The following HSPA1L variants were observed in gnomAD, a reference collection of about 807,000 sequenced individuals.
The protein encoded by HSPA1L is heat shock protein family A (Hsp70) member 1 like.
Under a neutral mutation model 31.5 loss-of-function variants are expected in HSPA1L, and 21 were observed. The observed-to-expected ratio is 0.67, with a 90% CI of 0.47 to 0.96. The LOEUF (loss-of-function observed/expected upper bound fraction) is 0.96. HSPA1L is among the 40% of genes least tolerant of loss of function. The pLI is 0.00. For synonymous variants in HSPA1L, 293 were observed against 323.1 expected, an observed-to-expected ratio of 0.91 and a Z score of 1.00; for missense variants, 709 against 813.4, an observed-to-expected ratio of 0.87 and a Z score of 1.56.
rs1184253837 is a variant in HSPA1L, at chr6:31,810,212, T to G, written c.1761A>C (p.Gln587His). The G allele has an allele frequency of 1.3e-6, 2 of 1,526,318 alleles. No homozygotes were observed. Among genetic ancestry groups the G allele is most frequent in the African/African-American group, 2.8e-5 (2 of 71,922 alleles). 94.5% of individuals were successfully genotyped at this position (1,526,318 alleles called of 1,614,324 possible). A position where few individuals can be genotyped will look rare whatever the true frequency, so the allele number is the denominator to read the frequency against. ...GATCAAACTCATCTTTCTCTGCCAGTTGATTGACCTCCAGCCACGAAAGGA... is the reference window on the plus strand; with the variant it reads ...GATCAAACTCATCTTTCTCTGCCAGGTGATTGACCTCCAGCCACGAAAGGA... The part of the protein sequence containing the change: ...NELLSWLEVN[Q>H]LAEKDEFDHK... The change falls in exon 2 of 2, where the codon CAA becomes CAC. Residue 587 changes from glutamine (Q) to histidine (H), a missense_variant. Transcript: ENST00000375654.
chr6:31,810,953 C>G lies in HSPA1L; in HGVS notation c.1020G>C (p.Gly340=). The change falls in exon 2 of 2, where the codon GGG becomes GGC. Residue 340 remains glycine, a synonymous_variant. Transcript: ENST00000375654. Reference sequence around the variant, plus strand: ...GCACCTTGGGGATGCGGGTGGAGCCCCCTACTAAAACAATGTCATGGATTT... The same window carrying G: ...GCACCTTGGGGATGCGGGTGGAGCCGCCTACTAAAACAATGTCATGGATTT... ...KAKIHDIVLV[G]GSTRIPKVQR... 1 of 1,614,106 alleles carries G rather than the reference C, an allele frequency of 6.2e-7. No individual in the cohort carries two copies. Among genetic ancestry groups the G allele is most frequent in the Non-Finnish European group, 8.5e-7 (1 of 1,180,020 alleles).
chr6:31,813,449 C>T (rs1562345241), intron 1 of HSPA1L, among the ~76,000 whole-genome samples: 1 of 152,132 alleles, frequency 6.6e-6, no homozygotes, highest in African/African-American at 2.4e-5. Context: ...GGACTACAGG[C>T]GTGCACTGCC....
In HSPA1L at chr6:31,814,989, T is replaced by TCCCCCCA. The variant is rs982528576; in HGVS notation, c.-121_-115dup. 1.3e-3 allele frequency: 1,264 copies of TCCCCCCA among 953,628 alleles called. 9 individuals are homozygous for TCCCCCCA. In the African/African-American group the frequency reaches 0.017, roughly 13 times the overall value. 59.1% of individuals were successfully genotyped at this position (953,628 alleles called of 1,614,324 possible). ...TCAATATCAAACTGCACAACCGGGG[T>TCCCCCCA]CCCCCCACCCCCCACCCCGTCCCTC... On this transcript the variant is annotated 5_prime_UTR_variant, in exon 1 of 2. It introduces an in-frame stop codon into an upstream open reading frame of the 5' UTR. Transcript: ENST00000375654.
At position 31,811,922 on chromosome 6, in the gene HSPA1L, G is replaced by T. The variant is rs765307007; in HGVS notation, c.51C>A (p.Tyr17Ter). The change falls in exon 2 of 2, where the codon TAC becomes TAA. Residue 17 changes from tyrosine (Y) to a stop codon, truncating the protein, a stop_gained. Coordinates refer to ENST00000375654, the MANE Select transcript of HSPA1L (RefSeq NM_005527.4). LOFTEE classifies it high-confidence loss of function. ...CGTGCTGGAACACCCCCACACAGGA[G>T]TAGGTGGTGCCCAGGTCGATGCCTA... Reference protein sequence around the residue: ...IAIGIDLGTTYSCVGVFQHGK... With the variant: ...IAIGIDLGTT The T allele has an allele frequency of 6.2e-7, 1 of 1,614,242 alleles. No homozygotes were observed. Among genetic ancestry groups the T allele is most frequent in the Non-Finnish European group, 8.5e-7 (1 of 1,180,048 alleles).
At position 31,810,631 on chromosome 6, in the gene HSPA1L, C is replaced by T. The variant is rs770600264; in HGVS notation, c.1342G>A (p.Glu448Lys). The change falls in exon 2 of 2, where the codon GAG (glutamate) becomes AAG (lysine). Residue 448 changes from glutamate to lysine, a missense_variant. Transcript: ENST00000375654. ...PGVLIQVYEG[E>K]RAMTKDNNLL... ...TTGTTGTCCTTTGTCATGGCCCTCT[C>T]GCCCTCATACACCTGGATCAGCACC... The T allele has an allele frequency of 4.3e-6, 7 of 1,614,112 alleles. No homozygotes were observed. Among genetic ancestry groups the T allele is most frequent in the South Asian group, 3.3e-5 (3 of 91,084 alleles).
Position 31,811,390 on chromosome 6 carries a change from G to C in HSPA1L, c.583C>G (p.Arg195Gly). 6.2e-7 allele frequency: 1 copy of C among 1,614,140 alleles called. No homozygotes were observed. The highest frequency in any genetic ancestry group is 8.5e-7 in the Non-Finnish European group (1 of 1,180,038). ...YGLDKGGQGE[R>G]HVLIFDLGGG... ...CCCAGATCAAAAATCAGGACATGTC[G>C]TTCTCCTTGACCTCCTTTATCTAAA... Residue 195 changes from arginine (R) to glycine (G), a missense_variant, in exon 2 of 2, where the codon CGA becomes GGA. Coordinates refer to ENST00000375654, the MANE Select transcript of HSPA1L (RefSeq NM_005527.4).
At position 31,811,096 on chromosome 6, in the gene HSPA1L, T is replaced by C. The variant is rs1489375367; in HGVS notation, c.877A>G (p.Ile293Val). The C allele has an allele frequency of 1.9e-6, 3 of 1,614,118 alleles. No homozygotes were observed. The African/African-American group carries it at 4.0e-5, about 22-fold the overall frequency. Residue 293 changes from isoleucine (I) to valine (V), a missense_variant, in exon 2 of 2, where the codon ATT (isoleucine) becomes GTT (valine). Transcript: ENST00000375654. ...CTGGTGATGGATGTATAGAAGTCAA[T>C]GCCTTCATAAAGTGAATCAATTTCT... ...NLEIDSLYEG[I>V]DFYTSITRAR...
chr6:31,811,585 T>G lies in HSPA1L; in HGVS notation c.388A>C (p.Lys130Gln). ...EISSMVLTKL[K>Q]ETAEAFLGHP... Reference sequence around the variant, plus strand: ...CCCAAAAAGGCCTCAGCAGTCTCCTTCAACTTAGTCAATACCATCGAAGAG... The same window carrying G: ...CCCAAAAAGGCCTCAGCAGTCTCCTGCAACTTAGTCAATACCATCGAAGAG... Residue 130 changes from lysine to glutamine, a missense_variant, in exon 2 of 2, where the codon AAG becomes CAG. By Grantham distance (53) the Lys-to-Gln change is moderately conservative (BLOSUM62 1). Transcript: ENST00000375654. 2 of 1,614,180 alleles carry G rather than the reference T, an allele frequency of 1.2e-6. No homozygotes were observed. The highest frequency in any genetic ancestry group is 1.7e-6 in the Non-Finnish European group (2 of 1,180,018).
At position 31,811,951 on chromosome 6, in the gene HSPA1L, C is replaced by G. The variant is rs9469057; in HGVS notation, c.22G>C (p.Ala8Pro). 8,722 of 1,614,128 alleles carry G rather than the reference C, an allele frequency of 5.4e-3. 58 individuals carry two copies. Among genetic ancestry groups the G allele is most frequent in the African/African-American group, 0.02 (1,474 of 75,014 alleles). Reference sequence around the variant, plus strand: ...GTGGTGCCCAGGTCGATGCCTATGGCGATTCCCTTGGCAGTAGCCATGGTT... The same window carrying G: ...GTGGTGCCCAGGTCGATGCCTATGGGGATTCCCTTGGCAGTAGCCATGGTT... MATAKGI[A>P]IGIDLGTTYS... The change falls in exon 2 of 2, where the codon GCC becomes CCC. Residue 8 changes from alanine (A) to proline (P), a missense_variant. Coordinates refer to ENST00000375654, the MANE Select transcript of HSPA1L (RefSeq NM_005527.4).
At position 31,811,117 on chromosome 6, in the gene HSPA1L, T is replaced by C. The variant is rs1250671657; in HGVS notation, c.856A>G (p.Ile286Val). The change falls in exon 2 of 2, where the codon ATT becomes GTT. Residue 286 changes from isoleucine (I) to valine (V), a missense_variant. Physicochemically the swap from Ile to Val is conservative, Grantham distance 29. Transcript: ENST00000375654. The stretch of plus-strand genomic sequence containing the variant: ...TCAATGCCTTCATAAAGTGAATCAA[T>C]TTCTAGGTTGGCCTGGGTGCTGGAC... ...LSSSTQANLE[I>V]DSLYEGIDFY... 2 of 1,614,078 alleles carry C rather than the reference T, an allele frequency of 1.2e-6. No homozygotes were observed. Among genetic ancestry groups the C allele is most frequent in the African/African-American group, 2.7e-5 (2 of 74,920 alleles).
chr6:31,814,750 C>A (rs1438802379), intron 1 of HSPA1L, 139 bp downstream of exon 1: 8 of 219,408 alleles, frequency 3.6e-5, no homozygotes, highest in African/African-American at 4.7e-5. Flanking sequence ...TAGCTTTCCC[C>A]AAGTGCTCCT....
Position 31,811,837 on chromosome 6 carries a change from A to G in HSPA1L, c.136T>C (p.Phe46Leu). 1.2e-6 allele frequency: 2 copies of G among 1,614,138 alleles called. No individual in the cohort carries two copies. Among genetic ancestry groups the G allele is most frequent in the Non-Finnish European group, 1.7e-6 (2 of 1,180,018 alleles). ...GNRTTPSYVA[F>L]TDTERLIGDA... is the part of the protein sequence containing the mutation. ...CCAATGAGCCGCTCGGTGTCTGTGAAGGCCACGTAGCTGGGGGTGGTGCGG... is the reference window on the plus strand; with the variant it reads ...CCAATGAGCCGCTCGGTGTCTGTGAGGGCCACGTAGCTGGGGGTGGTGCGG... Residue 46 changes from phenylalanine to leucine, a missense_variant, in exon 2 of 2, where the codon TTC (phenylalanine) becomes CTC (leucine). Phe to Leu is a conservative substitution (Grantham distance 22). Coordinates refer to ENST00000375654, the MANE Select transcript of HSPA1L (RefSeq NM_005527.4).
rs370564561 is a variant in HSPA1L, at chr6:31,810,064, T to C, written c.1909A>G (p.Ile637Val). The C allele has an allele frequency of 6.3e-6, 9 of 1,422,156 alleles. No homozygotes were observed. Among genetic ancestry groups the C allele is most frequent in the Non-Finnish European group, 4.6e-6 (5 of 1,087,174 alleles). 88.1% of individuals were successfully genotyped at this position (1,422,156 alleles called of 1,614,324 possible). A position where few individuals can be genotyped will look rare whatever the true frequency, so the allele number is the denominator to read the frequency against. ...AAAAAGAATTAATCTACTTCTTCAA[T>C]TGTGGGGCCTGTGGCAGGCCTTCCA... Reference protein sequence around the residue: ...VPGRPATGPTIEEVD With the variant: ...VPGRPATGPTVEEVD Residue 637 changes from isoleucine to valine, a missense_variant, in exon 2 of 2, where the codon ATT (isoleucine) becomes GTT (valine). Transcript: ENST00000375654.
Position 31,811,819 on chromosome 6 carries a change from G to T in HSPA1L, c.154C>A (p.Leu52Ile). ...SYVAFTDTER[L>I]IGDAAKNQVA... Reference sequence around the variant, plus strand: ...TGGTTCTTGGCCGCATCCCCAATGAGCCGCTCGGTGTCTGTGAAGGCCACG... The same window carrying T: ...TGGTTCTTGGCCGCATCCCCAATGATCCGCTCGGTGTCTGTGAAGGCCACG... The change falls in exon 2 of 2, where the codon CTC (leucine) becomes ATC (isoleucine). Residue 52 changes from leucine to isoleucine, a missense_variant. By Grantham distance (5) the Leu-to-Ile change is conservative. Coordinates refer to ENST00000375654, the MANE Select transcript of HSPA1L (RefSeq NM_005527.4). The T allele has an allele frequency of 6.2e-7, 1 of 1,614,170 alleles. No individual in the cohort carries two copies. Among genetic ancestry groups the T allele is most frequent in the Non-Finnish European group, 8.5e-7 (1 of 1,180,032 alleles).
Position 31,810,501 on chromosome 6 carries a change from G to T in HSPA1L, c.1472C>A (p.Thr491Lys), listed in dbSNP as rs1343407673. ...DIDANGILNV[T>K]ATDKSTGKVN... ...CTTGCCGGTGCTCTTGTCCGTGGCT[G>T]TGACATTGAGAATACCATTGGCATC... The change falls in exon 2 of 2, where the codon ACA becomes AAA. Residue 491 changes from threonine to lysine, a missense_variant. By Grantham distance (78) the Thr-to-Lys change is moderately conservative. Transcript: ENST00000375654. The T allele has an allele frequency of 6.2e-7, 1 of 1,613,036 alleles. No homozygotes were observed. The highest frequency in any genetic ancestry group is 1.3e-5 in the African/African-American group (1 of 74,868).
Position 31,814,981 on chromosome 6 carries a change from A to AT in HSPA1L, c.-107_-106insA, listed in dbSNP as rs1815780871. ...GGGCTCCCTCAATATCAAACTGCAC[A>AT]ACCGGGGTCCCCCCACCCCCCACCC... On this transcript the variant is annotated 5_prime_UTR_variant, in exon 1 of 2. In the 5' UTR this introduces an upstream ATG that the reference lacks. Coordinates refer to ENST00000375654, the MANE Select transcript of HSPA1L (RefSeq NM_005527.4). The AT allele has an allele frequency of 3.0e-5, 29 of 960,112 alleles. No homozygotes were observed. Among genetic ancestry groups the AT allele is most frequent in the South Asian group, 9.7e-5 (2 of 20,694 alleles). The allele number at this position is 960,112 out of a possible 1,614,324, so 59.5% of individuals were successfully genotyped here.
chr6:31,810,899 T>G lies in HSPA1L; in HGVS notation c.1074A>C (p.Gly358=). ...VQRLLQDYFN[G]RDLNKSINPD... ...GGTTGATGCTCTTGTTGAGATCACGTCCATTGAAGTAGTCCTGAAGCAGCC... is the reference window on the plus strand; with the variant it reads ...GGTTGATGCTCTTGTTGAGATCACGGCCATTGAAGTAGTCCTGAAGCAGCC... Residue 358 remains glycine (G), a synonymous_variant, in exon 2 of 2, where the codon GGA becomes GGC. Transcript: ENST00000375654. The G allele has an allele frequency of 6.2e-7, 1 of 1,614,138 alleles. No individual in the cohort carries two copies.
Position 31,815,149 on chromosome 6 carries a change from A to C in HSPA1L, c.-274T>G. 14 of 349,408 alleles carry C rather than the reference A, an allele frequency of 4.0e-5. No individual in the cohort carries two copies. Among genetic ancestry groups the C allele is most frequent in the Non-Finnish European group, 5.5e-5 (13 of 238,512 alleles). 21.6% of individuals were successfully genotyped at this position (349,408 alleles called of 1,614,324 possible). On this transcript the variant is annotated 5_prime_UTR_variant, in exon 1 of 2. Coordinates refer to ENST00000375654, the MANE Select transcript of HSPA1L (RefSeq NM_005527.4). Reference sequence around the variant, plus strand: ...CCCCACCCTCCCCTGGACGCGCGTAACCCGCTCCCCGCACCAGCCCCCTGC... The same window carrying C: ...CCCCACCCTCCCCTGGACGCGCGTACCCCGCTCCCCGCACCAGCCCCCTGC...
In HSPA1L at chr6:31,810,802, G is replaced by A. The variant is rs1292518532; in HGVS notation, c.1171C>T (p.Gln391Ter). The part of the protein sequence containing the change: ...ILMGDKSEKV[Q>*]DLLLLDVAPL... ...GCCACGTCCAGCAGCAGCAGGTCCT[G>A]TACCTTCTCAGACTTGTCCCCCATC... Residue 391 changes from glutamine (Q) to a stop codon, truncating the protein, a stop_gained, in exon 2 of 2, where the codon CAG becomes TAG. Transcript: ENST00000375654. LOFTEE classifies it high-confidence loss of function. 1.2e-6 allele frequency: 2 copies of A among 1,614,002 alleles called. No individual in the cohort carries two copies. Among genetic ancestry groups the A allele is most frequent in the Non-Finnish European group, 8.5e-7 (1 of 1,180,022 alleles).
Sources: allele counts gnomAD v4.1 joint callset (sites outside exome capture counted in the v4.1 genomes callset), GRCh38; gene constraint gnomAD v4.1.1; transcripts MANE v1.5; gene names NCBI Gene and HGNC (gene_info 2026-07-23, HGNC 2026-07-21).